KCNN3: variants seen among roughly 807,000 people sequenced by gnomAD.
The protein encoded by KCNN3 is potassium calcium-activated channel subfamily N member 3, also known as small conductance calcium-activated potassium channel protein 3.
KCNN3 carries 16 observed loss-of-function variants against 62.9 expected under a neutral mutation model. The ratio of observed to expected loss-of-function variants is 0.25; its 90% CI spans 0.17 to 0.39. KCNN3 has a LOEUF of 0.39. Ranked by LOEUF, KCNN3 falls within the 10% of genes least tolerant of loss-of-function variation. The pLI is 1.00. For synonymous variants in KCNN3, 370 were observed against 389.2 expected (o/e 0.95, Z 0.58); for missense variants, 599 against 949.4 (o/e 0.63, Z 4.85).
chr1:154,837,026 G>A (rs1279011712), intron 1 of KCNN3, among the ~76,000 whole-genome samples: 1 of 152,156 alleles, frequency 6.6e-6, no homozygotes, highest in Non-Finnish European at 1.5e-5. Flanking sequence ...CCAATTGTGG[G>A]GAGAACTCCA....
chr1:154,785,579 T>TC (rs1557975310), intron 2 of KCNN3, among the ~76,000 whole-genome samples: 1 of 140,464 alleles, frequency 7.1e-6, no homozygotes, highest in African/African-American at 2.7e-5. Context: ...TTTCTTTTTT[T>TC]TTTTTTTTTT....
intron 5 of KCNN3, among the ~76,000 whole-genome samples, chr1:154,723,782 T>C (rs1356681163): frequency 1.3e-5 from 2 of 152,250 alleles, no homozygotes; most frequent in Non-Finnish European, 2.9e-5. Flanking sequence ...CTCCGGCACG[T>C]AGTTTCAATC....
At chr1:154,714,120 GTGTGGGT>G (rs1413522354) in intron 6 of KCNN3, among the ~76,000 whole-genome samples, 5 of 145,980 alleles carry the variant, frequency 3.4e-5, no homozygotes, top group African/African-American at 1.3e-4. Flanking sequence ...GATGTGGTGT[GTGTGGGT>G]TGTGTGTGTG....
At chr1:154,839,584 C>T (rs930604915) in intron 1 of KCNN3, among the ~76,000 whole-genome samples, 1 of 27,854 alleles carries the variant, frequency 3.6e-5, no homozygotes, top group African/African-American at 6.2e-5. Context: ...ACCTGGCTGA[C>T]GAAGGTTTGG....
intron 2 of KCNN3, among the ~76,000 whole-genome samples, chr1:154,810,582 T>C (rs1650365108): frequency 1.3e-5 from 2 of 152,094 alleles, no homozygotes; most frequent in Non-Finnish European, 2.9e-5. Flanking sequence ...GAGGCAAGCC[T>C]TGGACCCAAG....
chr1:154,768,451 G>A (rs1429096027), intron 3 of KCNN3, among the ~76,000 whole-genome samples: 1 of 152,236 alleles, frequency 6.6e-6, no homozygotes, highest in Non-Finnish European at 1.5e-5. Flanking sequence ...ATTTGGGGGT[G>A]GGAGTTTTAC....
At chr1:154,747,077 C>T (rs1210939227) in intron 3 of KCNN3, among the ~76,000 whole-genome samples, 1 of 152,190 alleles carries the variant, frequency 6.6e-6, no homozygotes, top group African/African-American at 2.4e-5. Context: ...GGCAGTCCCA[C>T]CAGCTATCCA....
intron 1 of KCNN3, among the ~76,000 whole-genome samples, chr1:154,863,548 A>T (rs536380732): frequency 6.6e-6 from 1 of 152,300 alleles, no homozygotes; most frequent in African/African-American, 2.4e-5. Flanking sequence ...GTGCTTCACA[A>T]ATAACTGCAA....
At chr1:154,857,151 A>G (rs1434359863) in intron 1 of KCNN3, among the ~76,000 whole-genome samples, 1 of 152,152 alleles carries the variant, frequency 6.6e-6, no homozygotes, top group Non-Finnish European at 1.5e-5. Flanking sequence ...CCCTTGTCTC[A>G]TTTATTCCTC....
intron 7 of KCNN3, among the ~76,000 whole-genome samples, chr1:154,711,400 G>T (rs1324380688): frequency 1.3e-5 from 2 of 148,902 alleles, no homozygotes; most frequent in Admixed American, 6.7e-5. Flanking sequence ...GTTAAATGAC[G>T]AGTTAATGGG....
chr1:154,856,347 G>A (rs1652525344), intron 1 of KCNN3, among the ~76,000 whole-genome samples: 1 of 152,178 alleles, frequency 6.6e-6, no homozygotes, highest in South Asian at 2.1e-4. Flanking sequence ...TGTGGGATAG[G>A]AAGATAACGC....
At chr1:154,791,117 T>C (rs1464739206) in intron 2 of KCNN3, among the ~76,000 whole-genome samples, 1 of 150,420 alleles carries the variant, frequency 6.6e-6, no homozygotes, top group Non-Finnish European at 1.5e-5. Context: ...TAATCCCAGC[T>C]ACTAGGGAGG....
At chr1:154,768,877 A>G (rs1436185349) in intron 3 of KCNN3, among the ~76,000 whole-genome samples, 2 of 152,160 alleles carry the variant, frequency 1.3e-5, no homozygotes, top group African/African-American at 2.4e-5. Context: ...TGGGATTCAC[A>G]TGTTAGTCTC....
chr1:154,699,060 C>A lies in KCNN3; in HGVS notation c.*8916G>T, dbSNP rs1460448597. ...ATCACTTTAACCACTCTTATTTATG[C>A]ATTACCACCAAGGGAAAACAAAGTC... On this transcript the variant is annotated 3_prime_UTR_variant, in exon 8 of 8. Coordinates refer to ENST00000271915, the MANE Select transcript of KCNN3 (RefSeq NM_002249.6). The A allele has an allele frequency of 6.6e-6, 1 of 152,120 alleles. No homozygotes were observed. Among genetic ancestry groups the A allele is most frequent in the Non-Finnish European group, 1.5e-5 (1 of 68,032 alleles). The allele number at this position is 152,120 out of a possible 1,614,324, so 9.4% of individuals were successfully genotyped here.
chr1:154,714,195 T>C lies in KCNN3; in HGVS notation c.1830-662A>G, dbSNP rs528101208. ...TGTGTGGTGTGTGGTGTGTGTGTGG[T>C]GTGTGTGTCGTATGTGGTGTGCATG... On this transcript the variant is annotated intron_variant, in intron 6 of 7. Coordinates refer to ENST00000271915, the MANE Select transcript of KCNN3 (RefSeq NM_002249.6). Among the ~76,000 whole-genome samples the C allele has an allele frequency of 3.5e-3, 471 of 136,200 alleles. 2 individuals are homozygous for C. The highest frequency in any genetic ancestry group is 0.013 in the African/African-American group (458 of 35,088). 89.4% of individuals were successfully genotyped at this position (136,200 alleles called of 152,430 possible).
intron 1 of KCNN3, among the ~76,000 whole-genome samples, chr1:154,861,908 C>T (rs1011601279): frequency 6.6e-6 from 1 of 152,188 alleles, no homozygotes; most frequent in Non-Finnish European, 1.5e-5. Context: ...AAAGATCACA[C>T]AACAAGCTGG....
intron 1 of KCNN3, among the ~76,000 whole-genome samples, chr1:154,847,211 C>T (rs899871124): frequency 5.3e-5 from 8 of 151,900 alleles, no homozygotes; most frequent in Non-Finnish European, 1.0e-4. Context: ...ACTACCCCCC[C>T]CTGCCCTCGG....
At position 154,707,012 on chromosome 1, in the gene KCNN3, T is replaced by C. The variant is rs1233574948; in HGVS notation, c.*964A>G. On this transcript the variant is annotated 3_prime_UTR_variant, in exon 8 of 8. Transcript: ENST00000271915. ...ACTTGTTTGGATGGAAGAAGAAAAC[T>C]CTGCAGATGCTGTTATTTTTAGAAG... The C allele has an allele frequency of 2.0e-5, 3 of 152,208 alleles. No homozygotes were observed. The highest frequency in any genetic ancestry group is 1.3e-4 in the Admixed American group (2 of 15,280). The allele number at this position is 152,208 out of a possible 1,614,324, so 9.4% of individuals were successfully genotyped here. A position where few individuals can be genotyped will look rare whatever the true frequency, so the allele number is the denominator to read the frequency against.
intron 1 of KCNN3, among the ~76,000 whole-genome samples, chr1:154,831,470 A>C (rs1355579644): frequency 1.3e-5 from 2 of 152,226 alleles, no homozygotes; most frequent in Non-Finnish European, 2.9e-5. Context: ...TAACTTTTAA[A>C]AAAAGATCTC....
Sources: allele counts gnomAD v4.1 joint callset (sites outside exome capture counted in the v4.1 genomes callset), GRCh38; gene constraint gnomAD v4.1.1; transcripts MANE v1.5; gene names NCBI Gene and HGNC (gene_info 2026-07-23, HGNC 2026-07-21).